PCDH15: variants seen among roughly 807,000 people sequenced by gnomAD.
The protein encoded by PCDH15 is protocadherin-15.
A neutral mutation model predicts 178.5 loss-of-function variants in PCDH15; 129 were observed. That is an observed-to-expected ratio of 0.72 (90% CI 0.63 to 0.84). The LOEUF (loss-of-function observed/expected upper bound fraction) is 0.84, where lower values mean the gene tolerates loss of function less well. PCDH15 is among the 40% of genes least tolerant of loss of function. The pLI, the probability that PCDH15 is intolerant of heterozygous loss-of-function variation, is 0.00. For missense variants in PCDH15, 2,230 were observed against 2,099.9 expected (o/e 1.06, Z -1.21); for synonymous variants, 800 against 732.0 (o/e 1.09, Z -1.50).
intron 19 of PCDH15, among the ~76,000 whole-genome samples, chr10:54,021,649 A>G (rs2092924567): frequency 6.6e-6 from 1 of 151,746 alleles, no homozygotes; most frequent in Non-Finnish European, 1.5e-5. Flanking sequence ...CCATTTAGAA[A>G]TAAGTTTCTC....
chr10:54,418,522 A>C (rs1399544629), intron 3 of PCDH15, among the ~76,000 whole-genome samples: 11 of 152,150 alleles, frequency 7.2e-5, no homozygotes, highest in Non-Finnish European at 1.2e-4. Flanking sequence ...AGTGTAAGTA[A>C]AATTACATTC....
At chr10:54,950,099 A>G (rs1227976783) in intron 2 of PCDH15, among the ~76,000 whole-genome samples, 1 of 151,914 alleles carries the variant, frequency 6.6e-6, no homozygotes, top group Non-Finnish European at 1.5e-5. Context: ...CCAATTTACT[A>G]TATTAGTCCA....
intron 1 of PCDH15, among the ~76,000 whole-genome samples, chr10:55,281,372 G>GTT (rs573227151): frequency 6.7e-6 from 1 of 149,642 alleles, no homozygotes; most frequent in Non-Finnish European, 1.5e-5. Flanking sequence ...TAAATTTCAT[G>GTT]TTTTTTTTTA....
intron 27 of PCDH15, among the ~76,000 whole-genome samples, chr10:53,865,608 C>T (rs935129275): frequency 5.9e-5 from 9 of 152,104 alleles, no homozygotes; most frequent in Admixed American, 2.6e-4. Context: ...CTTAATATCT[C>T]CTATGTCAAA....
At chr10:54,368,984 AT>A (rs1218573707) in intron 5 of PCDH15, 135 bp downstream of exon 5, 4 of 972,356 alleles carry the variant, frequency 4.1e-6, no homozygotes, top group East Asian at 2.7e-5. Context: ...TCTGAGTACT[AT>A]TTTTTTAATG....
intron 11 of PCDH15, among the ~76,000 whole-genome samples, chr10:54,188,405 G>A (rs2048667571): frequency 6.6e-6 from 1 of 151,812 alleles, no homozygotes; most frequent in African/African-American, 2.4e-5. Context: ...TTAGGTAGCT[G>A]TTGTGTCTAT....
At chr10:54,464,559 G>T (rs1312784626) in intron 3 of PCDH15, among the ~76,000 whole-genome samples, 1 of 152,004 alleles carries the variant, frequency 6.6e-6, no homozygotes, top group African/African-American at 2.4e-5. Flanking sequence ...CATATTTGGG[G>T]TTATTGTCTC....
At chr10:54,989,131 C>T (rs755134120) in intron 2 of PCDH15, among the ~76,000 whole-genome samples, 5 of 152,078 alleles carry the variant, frequency 3.3e-5, no homozygotes, top group African/African-American at 7.2e-5. Flanking sequence ...CCTTCAAGTG[C>T]GTAGAATTGG....
At chr10:54,692,613 A>C (rs1474045777) in intron 1 of PCDH15, among the ~76,000 whole-genome samples, 1 of 151,220 alleles carries the variant, frequency 6.6e-6, no homozygotes, top group African/African-American at 2.4e-5. Flanking sequence ...GATTCAGTTT[A>C]CATAAGATCT....
intron 7 of PCDH15, among the ~76,000 whole-genome samples, chr10:54,320,709 G>A (rs970309757): frequency 2.6e-5 from 4 of 151,832 alleles, no homozygotes; most frequent in Non-Finnish European, 5.9e-5. Context: ...TGTTCAGTCA[G>A]CATATCCTGA....
At position 55,278,168 on chromosome 10, in the gene PCDH15, G is replaced by A. The variant is rs548211474; in HGVS notation, c.-156+41431C>T. Among the ~76,000 whole-genome samples, 154 of 152,158 alleles carry A rather than the reference G, an allele frequency of 1.0e-3. 1 individual carries two copies. The highest frequency in any genetic ancestry group is 3.7e-3 in the African/African-American group (152 of 41,516). ...AACACGTATAGTAGCAATCTCCATG[G>A]ATAGCTTTGCTACTTCAAAGGAATT... On this transcript the variant is annotated intron_variant, in intron 1 of 5. Transcript: ENST00000458638.
At chr10:54,644,564 TC>T (rs1419671959) in intron 2 of PCDH15, among the ~76,000 whole-genome samples, 1 of 152,070 alleles carries the variant, frequency 6.6e-6, no homozygotes, top group African/African-American at 2.4e-5. Flanking sequence ...AAGTACTTTA[TC>T]TTAAGCTTCC....
In PCDH15 at chr10:54,305,867, C is replaced by T. The variant is rs547367602; in HGVS notation, c.876+11404G>A. ...GGCACACAAAGACATTTCACCTCAG[C>T]CAAAGAATATGGGATGATAAAGGAC... On this transcript the variant is annotated intron_variant, in intron 8 of 37. Transcript: ENST00000644397. Among the ~76,000 whole-genome samples the T allele has an allele frequency of 3.3e-5, 5 of 151,572 alleles. No homozygotes were observed. In the East Asian group the frequency reaches 9.7e-4, roughly 29 times the overall value.
intron 3 of PCDH15, among the ~76,000 whole-genome samples, chr10:54,873,563 T>TGA (rs1954078716): frequency 6.4e-4 from 1 of 1,560 alleles, no homozygotes; most frequent in Non-Finnish European, 0.062. Flanking sequence ...CATATACGTA[T>TGA]GTGTGTGTGT....
intron 2 of PCDH15, among the ~76,000 whole-genome samples, chr10:55,528,408 G>T (rs935638311): frequency 2.3e-4 from 35 of 151,928 alleles, no homozygotes; most frequent in Non-Finnish European, 4.9e-4. Context: ...CCCAGTGTGT[G>T]ATGTTCCCCT....
chr10:54,234,425 C>T (rs937292525), intron 9 of PCDH15, among the ~76,000 whole-genome samples: 6 of 152,090 alleles, frequency 3.9e-5, no homozygotes, highest in African/African-American at 1.4e-4. Context: ...TAGTGGCTCA[C>T]GCCTGTAATC....
chr10:55,284,203 A>G (rs1842809122), intron 1 of PCDH15, among the ~76,000 whole-genome samples: 1 of 152,096 alleles, frequency 6.6e-6, no homozygotes, highest in African/African-American at 2.4e-5. Context: ...GGCCTATGCT[A>G]TTGAGGTTAA....
At chr10:54,840,051 C>T (rs959056481) in intron 3 of PCDH15, among the ~76,000 whole-genome samples, 1 of 151,746 alleles carries the variant, frequency 6.6e-6, no homozygotes, top group African/African-American at 2.4e-5. Context: ...ATAATAAATG[C>T]CAAAAGAATT....
intron 1 of PCDH15, among the ~76,000 whole-genome samples, chr10:55,298,601 T>A (rs1002148352): frequency 2.0e-5 from 3 of 152,108 alleles, no homozygotes; most frequent in African/African-American, 7.2e-5. Flanking sequence ...TTATTTTTTT[T>A]TTTAAGGAAT....
Sources: gnomAD v4.1 joint callset for allele counts (sites outside exome capture counted in the v4.1 genomes callset) on GRCh38, gnomAD v4.1.1 for gene constraint, MANE v1.5 for transcripts, NCBI Gene and HGNC (gene_info 2026-07-23, HGNC 2026-07-21) for gene names.